ANTXRL: variants seen among roughly 807,000 people sequenced by gnomAD.
The protein encoded by ANTXRL is ANTXR like.
Under a neutral mutation model 75.4 loss-of-function variants are expected in ANTXRL, and 63 were observed. The observed-to-expected ratio is 0.84, with a 90% confidence interval of 0.68 to 1.03. The LOEUF is 1.03. Ranked by LOEUF, ANTXRL falls within the 50% of genes least tolerant of loss-of-function variation. ANTXRL has a pLI of 0.00. For missense variants in ANTXRL, 797 were observed against 789.4 expected (o/e 1.01, Z -0.12); for synonymous variants, 335 against 291.3 (o/e 1.15, Z -1.53).
chr10:46,289,974 C>A (rs1836914705), intron 1 of ANTXRL, among the ~76,000 whole-genome samples: 1 of 151,792 alleles, frequency 6.6e-6, no homozygotes, highest in African/African-American at 2.4e-5. Flanking sequence ...GTTGTCGCAT[C>A]CATCAGAATT....
At position 46,310,509 on chromosome 10, in the gene ANTXRL, AG is replaced by A; in HGVS notation, c.1173+11del. 1 of 1,536,088 alleles carries A rather than the reference AG, an allele frequency of 6.5e-7. No individual in the cohort carries two copies. Among genetic ancestry groups the A allele is most frequent in the Non-Finnish European group, 8.7e-7 (1 of 1,146,606 alleles). On this transcript the variant is annotated intron_variant, in intron 14 of 16. Transcript: ENST00000620264. ...GCAGAAGCCAGAAAAGGTAAGTTGC[AG>A]TTCTGGTCCCGATATTGTCACATCC...
In ANTXRL at chr10:46,302,779, A is replaced by G; in HGVS notation, c.854A>G (p.Glu285Gly). 1.3e-6 allele frequency: 2 copies of G among 1,536,290 alleles called. No homozygotes were observed. The highest frequency in any genetic ancestry group is 8.7e-7 in the Non-Finnish European group (1 of 1,146,754). The change falls in exon 10 of 17, where the codon GAA (glutamate) becomes GGA (glycine). Residue 285 changes from glutamate (E) to glycine (G), a missense_variant. This residue lies in a region of ANTXRL where 56 missense variants were observed against 95.5 expected (regional missense o/e 0.59). Coordinates refer to ENST00000620264, the MANE Select transcript of ANTXRL (RefSeq NM_001278688.3). ...NGFQNLKKRD[E>G]VICRFIFNES... is the part of the protein sequence containing the mutation. ...TTTCAGAATCTAAAGAAACGGGATG[A>G]AGTTATTTGCAGATTTATCTTCAAT...
At chr10:46,302,174 G>A (rs1837789629) in intron 9 of ANTXRL, among the ~76,000 whole-genome samples, 2 of 152,166 alleles carry the variant, frequency 1.3e-5, no homozygotes, top group African/African-American at 4.8e-5. Flanking sequence ...TGCCCCACCT[G>A]AGTCCTGGCC....
intron 16 of ANTXRL, among the ~76,000 whole-genome samples, chr10:46,326,810 G>A (rs1445982338): frequency 4.6e-5 from 7 of 152,108 alleles, no homozygotes; most frequent in African/African-American, 1.2e-4. Flanking sequence ...CCAAGGAAAC[G>A]TGGAGAAAAC....
chr10:46,299,601 T>C (rs534306127), intron 9 of ANTXRL, among the ~76,000 whole-genome samples: 8 of 152,282 alleles, frequency 5.3e-5, no homozygotes, highest in Admixed American at 2.0e-4. Context: ...AGCTGGGCTC[T>C]GGCCTCCCTG....
chr10:46,309,061 C>T (rs1348580498), intron 12 of ANTXRL, 52 bp from the exon 13 acceptor site: 44 of 1,534,518 alleles, frequency 2.9e-5, no homozygotes, highest in Non-Finnish European at 3.8e-5. Flanking sequence ...AAGTGGTGGG[C>T]ACGGGGAAGA....
At chr10:46,324,716 T>C (rs1423401692) in intron 16 of ANTXRL, among the ~76,000 whole-genome samples, 1 of 152,078 alleles carries the variant, frequency 6.6e-6, no homozygotes, top group African/African-American at 2.4e-5. Flanking sequence ...AATATTCAGG[T>C]GTTTTAGAAA....
At chr10:46,312,406 C>A (rs1446964875) in intron 15 of ANTXRL, among the ~76,000 whole-genome samples, 1 of 146,978 alleles carries the variant, frequency 6.8e-6, no homozygotes, top group East Asian at 2.0e-4. Context: ...CAGCAGGGGA[C>A]CCTGCACAGG....
At chr10:46,313,179 C>T (rs757788957) in intron 15 of ANTXRL, 57 bp from the exon 16 acceptor site, 2 of 1,438,542 alleles carry the variant, frequency 1.4e-6, no homozygotes, top group Non-Finnish European at 1.9e-6. Flanking sequence ...AGTCCTGATG[C>T]CTTCTGGAGG....
chr10:46,298,925 G>T (rs1381927035), intron 9 of ANTXRL, among the ~76,000 whole-genome samples: 1 of 151,560 alleles, frequency 6.6e-6, no homozygotes, highest in Non-Finnish European at 1.5e-5. Flanking sequence ...TGTGTCTATT[G>T]GTGTGGGGGC....
At chr10:46,302,567 T>C (rs781825743) in intron 9 of ANTXRL, among the ~76,000 whole-genome samples, 155 bp from the exon 10 acceptor site, 3 of 152,116 alleles carry the variant, frequency 2.0e-5, no homozygotes, top group Non-Finnish European at 4.4e-5. Context: ...AGATTTGACC[T>C]AGTGGACACA....
intron 13 of ANTXRL, among the ~76,000 whole-genome samples, chr10:46,309,429 C>T (rs1374448591): frequency 2.0e-5 from 3 of 152,206 alleles, no homozygotes; most frequent in African/African-American, 7.2e-5. Context: ...AGAGAGCTGG[C>T]CTGGAATGCC....
chr10:46,323,587 A>G (rs1839078941), intron 16 of ANTXRL, among the ~76,000 whole-genome samples: 1 of 152,168 alleles, frequency 6.6e-6, no homozygotes, highest in South Asian at 2.1e-4. Context: ...AGCTCGGATG[A>G]AGCTTCCAAC....
intron 10 of ANTXRL, among the ~76,000 whole-genome samples, chr10:46,305,694 T>C (rs543586577): frequency 6.6e-6 from 1 of 151,558 alleles, no homozygotes; most frequent in Non-Finnish European, 1.5e-5. Context: ...GGAGTGAGAA[T>C]GTTCCATGTC....
chr10:46,293,691 A>T (rs1318215606), intron 2 of ANTXRL, 138 bp from the exon 3 acceptor site: 3 of 715,378 alleles, frequency 4.2e-6, no homozygotes, highest in Admixed American at 2.5e-5. Context: ...GTCCTTCACT[A>T]CATTTATCTC....
chr10:46,289,651 C>A (rs1836901534), intron 1 of ANTXRL, among the ~76,000 whole-genome samples: 1 of 152,152 alleles, frequency 6.6e-6, no homozygotes, highest in Non-Finnish European at 1.5e-5. Flanking sequence ...ATCGCTTGAG[C>A]CTGAGAGGTC....
intron 13 of ANTXRL, 136 bp downstream of exon 13, chr10:46,309,338 G>A (rs1838287524): frequency 6.8e-7 from 1 of 1,467,752 alleles, no homozygotes; most frequent in Non-Finnish European, 9.1e-7. Context: ...CGTGAGCCCA[G>A]GGAGTCGCAG....
In ANTXRL at chr10:46,296,075, C is replaced by A; in HGVS notation, c.449C>A (p.Thr150Lys). The A allele has an allele frequency of 6.5e-7, 1 of 1,535,994 alleles. No individual in the cohort carries two copies. Among genetic ancestry groups the A allele is most frequent in the South Asian group, 1.2e-5 (1 of 84,038 alleles). ...CAGAAAATTGTGCCTGACGGTCACA[C>A]ATTCATGCAGGCAGGATTTAGAAAG... ...QLQKIVPDGH[T>K]FMQAGFRKAI... The change falls in exon 4 of 17, where the codon ACA becomes AAA. Residue 150 changes from threonine to lysine, a missense_variant. Physicochemically the swap from Thr to Lys is moderately conservative, Grantham distance 78 (BLOSUM62 -1). Transcript: ENST00000620264.
intron 16 of ANTXRL, among the ~76,000 whole-genome samples, chr10:46,322,862 T>C (rs1463931265): frequency 1.3e-5 from 2 of 152,212 alleles, no homozygotes; most frequent in Non-Finnish European, 2.9e-5. Flanking sequence ...TATATCCTAA[T>C]AGTTTCAGCA....
Sources: gnomAD v4.1 joint callset for allele counts (sites outside exome capture counted in the v4.1 genomes callset) on GRCh38, gnomAD v4.1.1 for gene constraint, gnomAD v4.1.1 regional missense constraint, MANE v1.5 for transcripts, NCBI Gene and HGNC (gene_info 2026-07-23, HGNC 2026-07-21) for gene names.